PUM3: variants seen among roughly 807,000 people sequenced by gnomAD.
PUM3 encodes pumilio homolog 3.
In PUM3, 91 loss-of-function variants were observed where a neutral mutation model predicts 84.0. The ratio of observed to expected loss-of-function variants is 1.08; its 90% CI spans 0.91 to 1.29. The LOEUF (loss-of-function observed/expected upper bound fraction) is 1.29, where lower values mean the gene tolerates loss of function less well. Ranked by LOEUF, PUM3 falls within the 50% of genes most tolerant of loss-of-function variation. PUM3 has a pLI of 0.00. For missense variants in PUM3, 1,067 were observed against 767.5 expected (o/e 1.39, Z -4.61); for synonymous variants, 321 against 266.7 (o/e 1.20, Z -1.98).
At chr9:2,837,463 AT>A in intron 2 of PUM3, 62 bp from the exon 3 acceptor site, 2 of 1,056,766 alleles carry the variant, frequency 1.9e-6, no homozygotes, top group Non-Finnish European at 2.8e-6. Context: ...TATCTATTGG[AT>A]TATATCCATT....
intron 17 of PUM3, among the ~76,000 whole-genome samples, chr9:2,805,712 C>A (rs1165380070): frequency 6.6e-6 from 1 of 152,138 alleles, no homozygotes; most frequent in Non-Finnish European, 1.5e-5. Flanking sequence ...GCATATGCCA[C>A]ATATTAGACA....
chr9:2,830,364 A>C (rs1031457147), intron 7 of PUM3, among the ~76,000 whole-genome samples: 2 of 152,216 alleles, frequency 1.3e-5, no homozygotes, highest in African/African-American at 2.4e-5. Context: ...ATTCTAGCAC[A>C]TTAATACACT....
intron 13 of PUM3, among the ~76,000 whole-genome samples, chr9:2,818,677 A>G (rs370934011): frequency 4.6e-5 from 7 of 152,222 alleles, no homozygotes; most frequent in African/African-American, 1.7e-4. Flanking sequence ...GAACATGTCA[A>G]AATACTCAGT....
intron 16 of PUM3, among the ~76,000 whole-genome samples, chr9:2,809,048 ATG>A (rs1451828179): frequency 1.3e-5 from 2 of 152,298 alleles, no homozygotes; most frequent in East Asian, 3.9e-4. Context: ...CTTGCCAGCC[ATG>A]TGAGTGAGCT....
chr9:2,810,287 C>G, intron 16 of PUM3, 57 bp downstream of exon 16: 1 of 1,153,430 alleles, frequency 8.7e-7, no homozygotes, highest in Non-Finnish European at 1.3e-6. Context: ...TCAGGGATGC[C>G]AGGAATTACT....
intron 7 of PUM3, among the ~76,000 whole-genome samples, chr9:2,830,607 A>T (rs1014438401): frequency 2.6e-5 from 4 of 152,194 alleles, no homozygotes; most frequent in African/African-American, 9.7e-5. Context: ...TTACTATGCT[A>T]CAATACCAGT....
chr9:2,841,092 T>A (rs1816254030), intron 1 of PUM3, among the ~76,000 whole-genome samples: 1 of 152,230 alleles, frequency 6.6e-6, no homozygotes, highest in African/African-American at 2.4e-5. Flanking sequence ...CATCTCCTCT[T>A]GCTCATTTGT....
chr9:2,821,443 C>CAAAAAAAAAAAAAAAAAAAAAAAAA (rs572752267), intron 12 of PUM3, among the ~76,000 whole-genome samples: 26 of 50,112 alleles, frequency 5.2e-4, no homozygotes, highest in African/African-American at 9.7e-4. Flanking sequence ...GACTCTGTCT[C>CAAAAAAAAAAAAAAAAAAAAAAAAA]AAAAAAAAAA....
rs938372389 is a variant in PUM3, at chr9:2,827,007, G to C, written c.1035+66C>G. 5.3e-5 allele frequency: 69 copies of C among 1,298,802 alleles called. No homozygotes were observed. The Admixed American group carries it at 6.8e-4, about 13-fold the overall frequency. The allele number at this position is 1,298,802 out of a possible 1,614,324, so 80.5% of individuals were successfully genotyped here. A position where few individuals can be genotyped will look rare whatever the true frequency, so the allele number is the denominator to read the frequency against. Reference sequence around the variant, plus strand: ...CCACAAGACAACGTACATCAAAGCAGTTTTTCAAATTTCTACACCGCTCCT... The same window carrying C: ...CCACAAGACAACGTACATCAAAGCACTTTTTCAAATTTCTACACCGCTCCT... On this transcript the variant is annotated intron_variant, in intron 10 of 17. Coordinates refer to ENST00000397885, the MANE Select transcript of PUM3 (RefSeq NM_014878.5).
At chr9:2,836,728 G>A (rs1653725998) in intron 3 of PUM3, among the ~76,000 whole-genome samples, 1 of 152,120 alleles carries the variant, frequency 6.6e-6, no homozygotes, top group African/African-American at 2.4e-5. Flanking sequence ...CTGACACTTA[G>A]CTGGGGACAG....
At chr9:2,820,646 A>G (rs1476371683) in intron 12 of PUM3, among the ~76,000 whole-genome samples, 1 of 152,180 alleles carries the variant, frequency 6.6e-6, no homozygotes, top group East Asian at 1.9e-4. Context: ...TTTCTTTTCT[A>G]TATTGCTCAA....
intron 1 of PUM3, among the ~76,000 whole-genome samples, chr9:2,839,350 G>T (rs1816209608): frequency 6.6e-6 from 1 of 152,114 alleles, no homozygotes; most frequent in African/African-American, 2.4e-5. Flanking sequence ...GACAACACCA[G>T]ATATTTCTAG....
intron 13 of PUM3, among the ~76,000 whole-genome samples, chr9:2,818,299 GC>G (rs1445510046): frequency 6.6e-6 from 1 of 152,228 alleles, no homozygotes; most frequent in African/African-American, 2.4e-5. Flanking sequence ...AGGGAAAGCT[GC>G]CCTAAGTATG....
intron 10 of PUM3, among the ~76,000 whole-genome samples, chr9:2,825,063 C>T (rs1193032735): frequency 1.3e-5 from 2 of 152,122 alleles, no homozygotes; most frequent in Non-Finnish European, 2.9e-5. Flanking sequence ...TGACTTTTAC[C>T]AATGTCTGTT....
Position 2,824,766 on chromosome 9 carries a change from T to C in PUM3, c.1085A>G (p.His362Arg). ...REAVVYLAHT[H>R]DGARVAMHCL... is the part of the protein sequence containing the mutation. ...GTGCATGGCCACTCTGGCGCCATCGTGTGTGTGTGCCAGGTAGACCACCGC... is the reference window on the plus strand; with the variant it reads ...GTGCATGGCCACTCTGGCGCCATCGCGTGTGTGTGCCAGGTAGACCACCGC... The change falls in exon 11 of 18, where the codon CAC (histidine) becomes CGC (arginine). Residue 362 changes from histidine to arginine, a missense_variant. His to Arg is a conservative substitution (Grantham distance 29). Coordinates refer to ENST00000397885, the MANE Select transcript of PUM3 (RefSeq NM_014878.5). 9 of 1,583,650 alleles carry C rather than the reference T, an allele frequency of 5.7e-6. No individual in the cohort carries two copies. Among genetic ancestry groups the C allele is most frequent in the Non-Finnish European group, 7.8e-6 (9 of 1,161,062 alleles).
Position 2,834,020 on chromosome 9 carries a change from G to C in PUM3, c.440+11C>G, listed in dbSNP as rs1361681206. Reference sequence around the variant, plus strand: ...AAAGGGACTAACAAAGGCATCTTTAGGTAGAATTACCTTCTTAAAATCTCC... The same window carrying C: ...AAAGGGACTAACAAAGGCATCTTTACGTAGAATTACCTTCTTAAAATCTCC... On this transcript the variant is annotated intron_variant, in intron 4 of 17. Coordinates refer to ENST00000397885, the MANE Select transcript of PUM3 (RefSeq NM_014878.5). 6.2e-7 allele frequency: 1 copy of C among 1,611,932 alleles called. No individual in the cohort carries two copies. Among genetic ancestry groups the C allele is most frequent in the Admixed American group, 1.7e-5 (1 of 59,722 alleles).
At position 2,837,172 on chromosome 9, in the gene PUM3, G is replaced by C. The variant is rs1391923997; in HGVS notation, c.304+8C>G. The C allele has an allele frequency of 1.2e-6, 2 of 1,611,996 alleles. No individual in the cohort carries two copies. Among genetic ancestry groups the C allele is most frequent in the Non-Finnish European group, 1.7e-6 (2 of 1,178,398 alleles). On this transcript the variant is annotated splice_region_variant and intron_variant, in intron 3 of 17. Coordinates refer to ENST00000397885, the MANE Select transcript of PUM3 (RefSeq NM_014878.5). The stretch of plus-strand genomic sequence containing the variant: ...CACTAGTTCAGGCATGAACGAACCA[G>C]TACTTACCATCGCTTCTACCATCTG...
At chr9:2,815,949 T>C (rs1821459057) in intron 13 of PUM3, among the ~76,000 whole-genome samples, 1 of 152,242 alleles carries the variant, frequency 6.6e-6, no homozygotes, top group African/African-American at 2.4e-5. Flanking sequence ...CAGTTCTGAC[T>C]GCCTTGCGCT....
intron 13 of PUM3, among the ~76,000 whole-genome samples, chr9:2,819,676 T>G (rs1821546112): frequency 6.6e-6 from 1 of 152,220 alleles, no homozygotes; most frequent in Non-Finnish European, 1.5e-5. Flanking sequence ...ATTACTATGC[T>G]AGTTTCTGAT....
Sources: allele counts gnomAD v4.1 joint callset (sites outside exome capture counted in the v4.1 genomes callset), GRCh38; gene constraint gnomAD v4.1.1; transcripts MANE v1.5; gene names NCBI Gene and HGNC (gene_info 2026-07-23, HGNC 2026-07-21).